The following ANKS1B variants were observed in gnomAD, a reference collection of about 807,000 sequenced individuals.
The protein encoded by ANKS1B is ankyrin repeat and sterile alpha motif domain-containing protein 1B.
A neutral mutation model predicts 148.3 loss-of-function variants in ANKS1B; 36 were observed. That is an observed-to-expected ratio of 0.24 (90% CI 0.19 to 0.32). ANKS1B has a LOEUF of 0.32. ANKS1B is among the 10% of genes least tolerant of loss of function. The pLI, the probability that ANKS1B is intolerant of heterozygous loss-of-function variation, is 1.00. For synonymous variants in ANKS1B, 542 were observed against 560.8 expected (o/e 0.97, Z 0.47); for missense variants, 1,157 against 1,542.6 (o/e 0.75, Z 4.19).
intron 12 of ANKS1B, among the ~76,000 whole-genome samples, chr12:99,325,313 A>C (rs2086100189): frequency 1.3e-5 from 2 of 152,112 alleles, no homozygotes; most frequent in African/African-American, 4.8e-5. Context: ...TTGAATTTAC[A>C]CTGAAGCTTG....
At chr12:99,757,490 G>A (rs575419451) in intron 8 of ANKS1B, among the ~76,000 whole-genome samples, 1 of 152,152 alleles carries the variant, frequency 6.6e-6, no homozygotes, top group South Asian at 2.1e-4. Context: ...ACTGTTGGTG[G>A]GAGTGTAAAT....
In ANKS1B at chr12:99,486,366, T is replaced by A. The variant is rs117473368; in HGVS notation, c.1438+18110A>T. The stretch of plus-strand genomic sequence containing the variant: ...TCATATGCTGGTTATATTAAGAACG[T>A]TCTCAGTGTGTGAGCAAGTTCACTG... On this transcript the variant is annotated intron_variant, in intron 10 of 26. Coordinates refer to ENST00000683438, the MANE Select transcript of ANKS1B (RefSeq NM_001352186.2). 9.1e-3 allele frequency among the ~76,000 whole-genome samples: 1,385 copies of A among 152,266 alleles called. 7 individuals carry two copies. Among genetic ancestry groups the A allele is most frequent in the Non-Finnish European group, 0.014 (960 of 68,022 alleles).
chr12:98,769,820 G>T (rs549139971), intron 25 of ANKS1B, among the ~76,000 whole-genome samples: 1 of 152,290 alleles, frequency 6.6e-6, no homozygotes, highest in East Asian at 1.9e-4. Context: ...AAAAGGTGGC[G>T]TTCATCCTGA....
In ANKS1B at chr12:99,303,152, A is replaced by G. The variant is rs2081902810; in HGVS notation, c.1757-56288T>C. On this transcript the variant is annotated intron_variant, in intron 12 of 26. Coordinates refer to ENST00000683438, the MANE Select transcript of ANKS1B (RefSeq NM_001352186.2). The stretch of plus-strand genomic sequence containing the variant: ...CAGCCATGTGATTAGAAATGTACAC[A>G]GCAGTACTGCTGACCTAAAAAATTA... Among the ~76,000 whole-genome samples, 3 of 152,182 alleles carry G rather than the reference A, an allele frequency of 2.0e-5. No individual in the cohort carries two copies. In the South Asian group the frequency reaches 6.2e-4, roughly 31 times the overall value.
At chr12:99,793,462 C>T (rs1161305359) in intron 4 of ANKS1B, among the ~76,000 whole-genome samples, 1 of 151,676 alleles carries the variant, frequency 6.6e-6, no homozygotes, top group Non-Finnish European at 1.5e-5. Context: ...ATGGTACTGG[C>T]ATAAAATCAG....
chr12:99,774,658 A>G (rs1207517104), intron 7 of ANKS1B, among the ~76,000 whole-genome samples: 1 of 152,128 alleles, frequency 6.6e-6, no homozygotes, highest in East Asian at 1.9e-4. Flanking sequence ...TGAAACCAGT[A>G]TCTTGGAGAG....
intron 8 of ANKS1B, among the ~76,000 whole-genome samples, chr12:99,657,029 GAAATT>G (rs1278494825): frequency 7.9e-5 from 12 of 151,876 alleles, no homozygotes; most frequent in Non-Finnish European, 5.9e-5. Flanking sequence ...AAGAAGCAAT[GAAATT>G]AAGTTGTCCC....
intron 17 of ANKS1B, among the ~76,000 whole-genome samples, chr12:99,004,588 T>G (rs2099935011): frequency 1.4e-5 from 2 of 146,854 alleles, no homozygotes; most frequent in Admixed American, 1.4e-4. Context: ...TTGAGAAAAA[T>G]GAGAAAGGGT....
intron 3 of ANKS1B, among the ~76,000 whole-genome samples, chr12:99,811,421 G>C (rs2068355919): frequency 1.3e-5 from 2 of 151,846 alleles, no homozygotes. Context: ...GGGAACAGTA[G>C]GGGGCATGCA....
At chr12:98,861,244 A>T (rs1288191558) in intron 17 of ANKS1B, among the ~76,000 whole-genome samples, 1 of 152,186 alleles carries the variant, frequency 6.6e-6, no homozygotes, top group Admixed American at 6.5e-5. Context: ...GTTAATATAG[A>T]TGGATCAGGC....
intron 17 of ANKS1B, among the ~76,000 whole-genome samples, chr12:99,030,285 C>T (rs2153459335): frequency 6.6e-6 from 1 of 152,290 alleles, no homozygotes; most frequent in South Asian, 2.1e-4. Context: ...ATAGGTGCCA[C>T]ATGCTGTTAT....
intron 6 of ANKS1B, among the ~76,000 whole-genome samples, chr12:99,776,095 A>C (rs1255937363): frequency 6.6e-6 from 1 of 152,238 alleles, no homozygotes; most frequent in Non-Finnish European, 1.5e-5. Context: ...CAGGTAACAT[A>C]AACGAATGAA....
chr12:99,067,786 T>C (rs1195050861), intron 16 of ANKS1B, among the ~76,000 whole-genome samples: 1 of 152,126 alleles, frequency 6.6e-6, no homozygotes, highest in African/African-American at 2.4e-5. Context: ...TCCACTACCA[T>C]TGGAGTGAGA....
chr12:99,690,927 C>T (rs922379740), intron 8 of ANKS1B, among the ~76,000 whole-genome samples: 20 of 152,244 alleles, frequency 1.3e-4, no homozygotes, highest in Non-Finnish European at 2.1e-4. Flanking sequence ...TTCATAAGGG[C>T]TCTGCCCCTG....
intron 8 of ANKS1B, among the ~76,000 whole-genome samples, chr12:99,686,911 G>GCA (rs1467568820): frequency 6.6e-6 from 1 of 152,050 alleles, no homozygotes; most frequent in Non-Finnish European, 1.5e-5. Flanking sequence ...TTACATTTAT[G>GCA]CACCTATTTA....
intron 9 of ANKS1B, among the ~76,000 whole-genome samples, chr12:99,543,731 T>C (rs908851676): frequency 4.6e-5 from 7 of 152,016 alleles, no homozygotes; most frequent in African/African-American, 1.7e-4. Flanking sequence ...AACATTATGC[T>C]AAGTGAGAAA....
At chr12:99,639,742 T>C (rs1303853424) in intron 9 of ANKS1B, among the ~76,000 whole-genome samples, 1 of 152,206 alleles carries the variant, frequency 6.6e-6, no homozygotes, top group Non-Finnish European at 1.5e-5. Context: ...CCTTCAATCT[T>C]GATTGTAAGT....
At chr12:99,209,249 T>G (rs1458741954) in intron 14 of ANKS1B, among the ~76,000 whole-genome samples, 1 of 152,214 alleles carries the variant, frequency 6.6e-6, no homozygotes, top group Middle Eastern at 3.2e-3. Flanking sequence ...CTACTTTTTC[T>G]GCATTTATGT....
In ANKS1B at chr12:98,930,506, A is replaced by G. The variant is rs539488657; in HGVS notation, c.2779-98370T>C. Reference sequence around the variant, plus strand: ...TAAATGTTTCTAGCAGCATTATTAAAAATAGCCCCAAAGTCTAAACAATTC... The same window carrying G: ...TAAATGTTTCTAGCAGCATTATTAAGAATAGCCCCAAAGTCTAAACAATTC... On this transcript the variant is annotated intron_variant, in intron 17 of 26. Coordinates refer to ENST00000683438, the MANE Select transcript of ANKS1B (RefSeq NM_001352186.2). 8.5e-5 allele frequency among the ~76,000 whole-genome samples: 13 copies of G among 152,306 alleles called. No homozygotes were observed. The East Asian group carries it at 2.5e-3, about 29-fold the overall frequency.
Sources: allele counts gnomAD v4.1 joint callset (sites outside exome capture counted in the v4.1 genomes callset), GRCh38; gene constraint gnomAD v4.1.1; transcripts MANE v1.5; gene names NCBI Gene and HGNC (gene_info 2026-07-23, HGNC 2026-07-21).